SYCP2: variants seen among roughly 807,000 people sequenced by gnomAD.
SYCP2 encodes the protein synaptonemal complex lateral element protein.
Under a neutral mutation model 211.3 loss-of-function variants are expected in SYCP2, and 55 were observed. The observed-to-expected ratio is 0.26, with a 90% CI of 0.21 to 0.33. SYCP2 has a LOEUF of 0.33. Ranked by LOEUF, SYCP2 falls within the 10% of genes least tolerant of loss-of-function variation. The pLI is 1.00. For missense variants in SYCP2, 1,731 were observed against 1,752.0 expected (o/e 0.99, Z 0.21); for synonymous variants, 570 against 555.2 (o/e 1.03, Z -0.37).
chr20:59,866,539 A>G lies in SYCP2; in HGVS notation c.4176T>C (p.Ala1392=). Residue 1392 remains alanine (A), a synonymous_variant, in exon 40 of 45, where the codon GCT becomes GCC. Coordinates refer to ENST00000357552, the MANE Select transcript of SYCP2 (RefSeq NM_014258.4). ...SYFTTQSWKT[A]QQHLRTMNHQ... ...GATTCATTGTTCTCAGATGTTGCTG[A>G]GCTGTTTTCCAAGACTGCGTAGTAA... is the stretch of plus-strand genomic sequence containing the variant. 2 of 1,607,372 alleles carry G rather than the reference A, an allele frequency of 1.2e-6. No homozygotes were observed. Among genetic ancestry groups the G allele is most frequent in the Non-Finnish European group, 1.7e-6 (2 of 1,177,574 alleles).
At chr20:59,881,548 A>G in intron 28 of SYCP2, 56 bp from the exon 29 acceptor site, 1 of 852,312 alleles carries the variant, frequency 1.2e-6, no homozygotes, top group Non-Finnish European at 1.8e-6. Flanking sequence ...AAAAAAGATT[A>G]AAAGGAATAA....
At chr20:59,867,994 TG>T (rs1297124652) in intron 38 of SYCP2, 147 bp from the exon 39 acceptor site, 29 of 611,524 alleles carry the variant, frequency 4.7e-5, no homozygotes, top group Admixed American at 1.5e-4. Context: ...GAGTTCCTTA[TG>T]TTTTTTTTAA....
At chr20:59,907,236 C>T in intron 15 of SYCP2, 128 bp downstream of exon 15, 2 of 653,104 alleles carry the variant, frequency 3.1e-6, no homozygotes, top group Non-Finnish European at 5.4e-6. Flanking sequence ...TGATGAATTT[C>T]TGAATGTGAA....
rs1235572635 is a variant in SYCP2 at position 59,863,742 on chromosome 20, T to C, written c.*569A>G. 2.0e-5 allele frequency: 3 copies of C among 151,994 alleles called. No homozygotes were observed. Among genetic ancestry groups the C allele is most frequent in the African/African-American group, 4.8e-5 (2 of 41,430 alleles). 9.4% of individuals were successfully genotyped at this position (151,994 alleles called of 1,614,324 possible). Reference sequence around the variant, plus strand: ...AGGACTTCTATATTGAATTAACATATTTAGGCAATGTAGTAGCTTTTTTAG... The same window carrying C: ...AGGACTTCTATATTGAATTAACATACTTAGGCAATGTAGTAGCTTTTTTAG... On this transcript the variant is annotated 3_prime_UTR_variant, in exon 45 of 45. Transcript: ENST00000357552.
chr20:59,901,388 CAG>C (rs1193899251), intron 16 of SYCP2, among the ~76,000 whole-genome samples: 3 of 151,994 alleles, frequency 2.0e-5, no homozygotes, highest in African/African-American at 4.8e-5. Flanking sequence ...ATCTTGAAAA[CAG>C]TGTTTTCTCT....
intron 20 of SYCP2, among the ~76,000 whole-genome samples, 188 bp downstream of exon 20, chr20:59,895,249 T>C (rs188461981): frequency 6.6e-6 from 1 of 152,206 alleles, no homozygotes; most frequent in Admixed American, 6.6e-5. Flanking sequence ...ATAACTTTTA[T>C]TGTAAGCACA....
chr20:59,868,300 T>G (rs1384373949), intron 38 of SYCP2, 113 bp downstream of exon 38: 1 of 1,082,538 alleles, frequency 9.2e-7, no homozygotes, highest in Non-Finnish European at 1.3e-6. Flanking sequence ...ATCATCCATC[T>G]TGGACATATC....
chr20:59,925,383 A>C (rs1158764540), intron 2 of SYCP2, among the ~76,000 whole-genome samples: 2 of 152,188 alleles, frequency 1.3e-5, no homozygotes, highest in South Asian at 4.1e-4. Flanking sequence ...TGATTTTCTC[A>C]ATCCATGAGC....
chr20:59,925,835 T>C (rs1399954019), intron 2 of SYCP2, among the ~76,000 whole-genome samples: 5 of 152,024 alleles, frequency 3.3e-5, no homozygotes, highest in African/African-American at 9.7e-5. Flanking sequence ...GATTTCTTTT[T>C]TTAAGAAAAC....
intron 24 of SYCP2, among the ~76,000 whole-genome samples, chr20:59,890,737 GATT>G (rs776465687): frequency 1.3e-4 from 19 of 151,522 alleles, no homozygotes; most frequent in Non-Finnish European, 1.5e-4. Flanking sequence ...GCTTAGAAAA[GATT>G]ATTAGGTTTT....
chr20:59,874,139 A>T (rs193207989), intron 34 of SYCP2, 78 bp from the exon 35 acceptor site: 24 of 701,642 alleles, frequency 3.4e-5, no homozygotes, highest in Non-Finnish European at 2.2e-6. Flanking sequence ...AGCACGATTA[A>T]TTTAAATTCT....
intron 34 of SYCP2, 111 bp downstream of exon 34, chr20:59,875,160 C>T (rs2059531302): frequency 3.0e-6 from 2 of 673,178 alleles, no homozygotes; most frequent in East Asian, 2.8e-5. Flanking sequence ...GTTTTAACTA[C>T]TATAATTATA....
intron 3 of SYCP2, among the ~76,000 whole-genome samples, chr20:59,921,849 C>T (rs1176428183): frequency 1.3e-5 from 2 of 151,324 alleles, no homozygotes; most frequent in Non-Finnish European, 3.0e-5. Flanking sequence ...GAAAAAAATA[C>T]ATAAAGACAG....
intron 39 of SYCP2, among the ~76,000 whole-genome samples, chr20:59,867,451 C>G (rs1271889225): frequency 1.0e-4 from 14 of 140,044 alleles, no homozygotes; most frequent in Non-Finnish European, 4.6e-5. Context: ...GAAAACTGTC[C>G]AGTAAAAAAA....
At chr20:59,927,618 A>C (rs924324634) in intron 2 of SYCP2, among the ~76,000 whole-genome samples, 1 of 152,130 alleles carries the variant, frequency 6.6e-6, no homozygotes, top group African/African-American at 2.4e-5. Context: ...TCCTCCAAAA[A>C]ACAGGTTAAT....
At chr20:59,906,963 T>C (rs956520972) in intron 15 of SYCP2, among the ~76,000 whole-genome samples, 4 of 152,200 alleles carry the variant, frequency 2.6e-5, no homozygotes, top group Admixed American at 1.3e-4. Context: ...TACATGTCTA[T>C]TGAAATGATA....
chr20:59,872,624 C>T (rs1235317801), intron 35 of SYCP2, among the ~76,000 whole-genome samples: 2 of 151,032 alleles, frequency 1.3e-5, no homozygotes, highest in African/African-American at 4.9e-5. Flanking sequence ...CCATTTCAGG[C>T]ATCTATTGGG....
chr20:59,878,276 A>G (rs916201138), intron 31 of SYCP2, among the ~76,000 whole-genome samples: 1 of 152,108 alleles, frequency 6.6e-6, no homozygotes, highest in Non-Finnish European at 1.5e-5. Context: ...CTGGCCTCAC[A>G]ATACACTATT....
intron 34 of SYCP2, among the ~76,000 whole-genome samples, chr20:59,874,913 G>C (rs2059524882): frequency 6.6e-6 from 1 of 151,732 alleles, no homozygotes; most frequent in Non-Finnish European, 1.5e-5. Flanking sequence ...AATGTAAATA[G>C]AAAAAACAGA....
Sources: allele counts gnomAD v4.1 joint callset (sites outside exome capture counted in the v4.1 genomes callset), GRCh38; gene constraint gnomAD v4.1.1; transcripts MANE v1.5; gene names NCBI Gene and HGNC (gene_info 2026-07-23, HGNC 2026-07-21).